The following CSMD1 variants were observed in gnomAD, a reference collection of about 807,000 sequenced individuals.
CSMD1 encodes CUB and Sushi multiple domains 1.
A neutral mutation model predicts 417.5 loss-of-function variants in CSMD1; 213 were observed. The ratio of observed to expected loss-of-function variants is 0.51; its 90% CI spans 0.46 to 0.57. CSMD1 has a LOEUF of 0.57. CSMD1 is among the 20% of genes least tolerant of loss of function. CSMD1 has a pLI of 0.00. For missense variants in CSMD1, 6,923 were observed against 4,529.7 expected (o/e 1.53, Z -15.17); for synonymous variants, 2,862 against 1,736.8 (o/e 1.65, Z -16.11).
intron 7 of CSMD1, among the ~76,000 whole-genome samples, chr8:3,650,587 A>C (rs1439844198): frequency 1.3e-5 from 2 of 152,150 alleles, no homozygotes; most frequent in Non-Finnish European, 2.9e-5. Context: ...AGTTATTCTG[A>C]GTACATATGA....
At chr8:3,328,107 T>C (rs947885593) in intron 23 of CSMD1, among the ~76,000 whole-genome samples, 1 of 152,216 alleles carries the variant, frequency 6.6e-6, no homozygotes, top group Non-Finnish European at 1.5e-5. Flanking sequence ...GCTGCTGGTT[T>C]GTTTCTGCTA....
chr8:4,677,904 T>G (rs1805795406), intron 1 of CSMD1, among the ~76,000 whole-genome samples: 1 of 152,156 alleles, frequency 6.6e-6, no homozygotes, highest in Non-Finnish European at 1.5e-5. Context: ...AGTGTGACAT[T>G]TAATGAACTA....
Position 3,473,390 on chromosome 8 carries a change from C to A in CSMD1, c.1449-4566G>T, listed in dbSNP as rs138991364. ...ACAGCTTATTATAGTTATTTTAAAG[C>A]TGATTAACTTACAAAAATTTCATAC... On this transcript the variant is annotated intron_variant, in intron 11 of 69. Transcript: ENST00000635120. Among the ~76,000 whole-genome samples the A allele has an allele frequency of 6.8e-3, 1,038 of 152,216 alleles. 16 individuals are homozygous for A. Among genetic ancestry groups the A allele is most frequent in the African/African-American group, 0.024 (1,004 of 41,536 alleles).
chr8:3,529,593 T>A (rs1351700972), intron 10 of CSMD1, among the ~76,000 whole-genome samples: 1 of 152,234 alleles, frequency 6.6e-6, no homozygotes, highest in Non-Finnish European at 1.5e-5. Context: ...AGGAATGCGA[T>A]GCACATCTTC....
At chr8:3,309,575 A>C (rs1194269133) in intron 23 of CSMD1, among the ~76,000 whole-genome samples, 2 of 152,348 alleles carry the variant, frequency 1.3e-5, no homozygotes, top group African/African-American at 4.8e-5. Context: ...AGACAGTCTT[A>C]CAGTAACATA....
chr8:3,757,345 G>A (rs1400176701), intron 5 of CSMD1, among the ~76,000 whole-genome samples: 3 of 152,234 alleles, frequency 2.0e-5, no homozygotes, highest in Non-Finnish European at 4.4e-5. Context: ...TGCAGGTGTA[G>A]TTGGCAAGTA....
intron 8 of CSMD1, among the ~76,000 whole-genome samples, chr8:3,615,755 T>C (rs906209476): frequency 2.0e-4 from 31 of 152,292 alleles, no homozygotes; most frequent in African/African-American, 7.2e-4. Context: ...TGTGAACCTT[T>C]TTTTGGATTT....
At chr8:3,726,452 G>A (rs1388564819) in intron 6 of CSMD1, among the ~76,000 whole-genome samples, 2 of 152,198 alleles carry the variant, frequency 1.3e-5, no homozygotes, top group East Asian at 1.9e-4. Flanking sequence ...GGGTCAGCAG[G>A]TATTGAATGT....
intron 37 of CSMD1, among the ~76,000 whole-genome samples, chr8:3,164,475 T>C (rs889267203): frequency 6.6e-6 from 1 of 152,226 alleles, no homozygotes; most frequent in African/African-American, 2.4e-5. Flanking sequence ...TAACTTCTTT[T>C]ACTAATGTAA....
In CSMD1 at chr8:3,367,320, C is replaced by A. The variant is rs566191335; in HGVS notation, c.2900-73G>T. 2.1e-5 allele frequency: 20 copies of A among 955,820 alleles called. No individual in the cohort carries two copies. The South Asian group carries it at 2.5e-4, about 12-fold the overall frequency. The allele number at this position is 955,820 out of a possible 1,614,324, so 59.2% of individuals were successfully genotyped here. On this transcript the variant is annotated intron_variant, in intron 19 of 69. Coordinates refer to ENST00000635120, the MANE Select transcript of CSMD1 (RefSeq NM_033225.6). ...CGGGGCGGCGGGGGCAGAGAGGGAG[C>A]GGGGCAGAGAGAGACAGAGACATAG...
At position 3,703,267 on chromosome 8, in the gene CSMD1, C is replaced by T. The variant is rs1164015299; in HGVS notation, c.1009+5147G>A. Among the ~76,000 whole-genome samples, 5 of 152,206 alleles carry T rather than the reference C, an allele frequency of 3.3e-5. No homozygotes were observed. In the South Asian group the frequency reaches 6.2e-4, roughly 19 times the overall value. On this transcript the variant is annotated intron_variant, in intron 7 of 69. Coordinates refer to ENST00000635120, the MANE Select transcript of CSMD1 (RefSeq NM_033225.6). ...CTGCCCTATGTGGTTAGGTTTTGTGCATGTTAATGATGAAATGAATTGTGG... is the reference window on the plus strand; with the variant it reads ...CTGCCCTATGTGGTTAGGTTTTGTGTATGTTAATGATGAAATGAATTGTGG...
intron 3 of CSMD1, among the ~76,000 whole-genome samples, chr8:4,054,863 G>C (rs773248483): frequency 4.6e-5 from 7 of 152,126 alleles, no homozygotes; most frequent in South Asian, 2.1e-4. Context: ...AGAATGTATT[G>C]AAATGTTCTG....
At chr8:4,327,137 C>G (rs1799604840) in intron 3 of CSMD1, among the ~76,000 whole-genome samples, 2 of 152,236 alleles carry the variant, frequency 1.3e-5, no homozygotes, top group Admixed American at 6.5e-5. Flanking sequence ...TTATCATTGA[C>G]AAGGTCTACT....
At chr8:3,690,915 T>G (rs1220869565) in intron 7 of CSMD1, among the ~76,000 whole-genome samples, 1 of 152,168 alleles carries the variant, frequency 6.6e-6, no homozygotes, top group African/African-American at 2.4e-5. Flanking sequence ...ACAAATAAAT[T>G]GAATAATTAA....
chr8:3,379,046 A>G lies in CSMD1; in HGVS notation c.2782+8448T>C, dbSNP rs187530751. Among the ~76,000 whole-genome samples the G allele has an allele frequency of 5.3e-5, 8 of 152,356 alleles. No individual in the cohort carries two copies. The East Asian group carries it at 1.5e-3, about 29-fold the overall frequency. On this transcript the variant is annotated intron_variant, in intron 18 of 69. Transcript: ENST00000635120. The stretch of plus-strand genomic sequence containing the variant: ...CTTAAGCTGATAAACAACTTCAGCA[A>G]TGTCTCAGGATACAATATCAATGTG...
intron 5 of CSMD1, among the ~76,000 whole-genome samples, chr8:3,778,283 T>C (rs1041821820): frequency 1.3e-5 from 2 of 152,224 alleles, no homozygotes; most frequent in African/African-American, 4.8e-5. Context: ...CTGTCAGTAG[T>C]TTACCATTTA....
intron 26 of CSMD1, among the ~76,000 whole-genome samples, chr8:3,236,687 G>T (rs1033480585): frequency 6.6e-6 from 1 of 152,084 alleles, no homozygotes; most frequent in South Asian, 2.1e-4. Context: ...CTCTTCCAGG[G>T]CTGTATTCTT....
intron 3 of CSMD1, among the ~76,000 whole-genome samples, chr8:4,236,039 G>GTTTTTTTTTTTTTTTGT (rs1802032027): frequency 3.2e-5 from 1 of 31,688 alleles, no homozygotes; most frequent in African/African-American, 6.9e-5. Context: ...TTTTTTGTTT[G>GTTTTTTTTTTTTTTTGT]TTTTTTTTTT....
At chr8:4,732,732 C>T (rs1383767152) in intron 1 of CSMD1, among the ~76,000 whole-genome samples, 2 of 152,060 alleles carry the variant, frequency 1.3e-5, no homozygotes, top group South Asian at 2.1e-4. Flanking sequence ...CGTTTTTAAC[C>T]CTTGGCTTGA....
Sources: gnomAD v4.1 joint callset for allele counts (sites outside exome capture counted in the v4.1 genomes callset) on GRCh38, gnomAD v4.1.1 for gene constraint, MANE v1.5 for transcripts, NCBI Gene and HGNC (gene_info 2026-07-23, HGNC 2026-07-21) for gene names.